Variants in CFAP54 observed in about 807,000 individuals in gnomAD.
CFAP54 encodes cilia and flagella associated protein 54, also known as cilia- and flagella-associated protein 54.
Under a neutral mutation model 370.4 loss-of-function variants are expected in CFAP54, and 290 were observed. That is an observed-to-expected ratio of 0.78 (90% confidence interval 0.71 to 0.86). The LOEUF (loss-of-function observed/expected upper bound fraction) is 0.86. Ranked by LOEUF, CFAP54 falls within the 40% of genes least tolerant of loss-of-function variation. The pLI is 0.00. For synonymous variants in CFAP54, 1,206 were observed against 1,236.5 expected (o/e 0.98, Z 0.52); for missense variants, 3,399 against 3,528.7 (o/e 0.96, Z 0.93).
intron 26 of CFAP54, among the ~76,000 whole-genome samples, chr12:96,615,867 G>A (rs1204362331): frequency 2.0e-5 from 3 of 152,188 alleles, no homozygotes; most frequent in Non-Finnish European, 2.9e-5. Flanking sequence ...GAAACAAGAG[G>A]TGCTGGAGAG....
chr12:96,589,803 G>A (rs1273036955), intron 23 of CFAP54, among the ~76,000 whole-genome samples: 1 of 152,040 alleles, frequency 6.6e-6, no homozygotes, highest in African/African-American at 2.4e-5. Context: ...CTGGAGTGCA[G>A]TGGCATGATC....
At chr12:96,526,405 A>T (rs1955381633) in intron 8 of CFAP54, among the ~76,000 whole-genome samples, 1 of 152,232 alleles carries the variant, frequency 6.6e-6, no homozygotes, top group Non-Finnish European at 1.5e-5. Context: ...CTTAGAGTTA[A>T]TTACCACAAA....
intron 26 of CFAP54, among the ~76,000 whole-genome samples, chr12:96,599,046 A>G (rs1307474164): frequency 1.3e-5 from 2 of 152,122 alleles, no homozygotes; most frequent in East Asian, 1.9e-4. Context: ...TCTAGGCTAC[A>G]TGTGCACAAC....
At chr12:96,552,029 C>T (rs970353642) in intron 15 of CFAP54, among the ~76,000 whole-genome samples, 7 of 151,892 alleles carry the variant, frequency 4.6e-5, no homozygotes, top group Admixed American at 2.0e-4. Context: ...GGTGGATCAC[C>T]TGAGGTCAGG....
rs544804419 is a variant in CFAP54 at position 96,852,027 on chromosome 12, C to T, written c.9172-8792C>T. On this transcript the variant is annotated intron_variant, in intron 66 of 67. Transcript: ENST00000524981. ...GAATTTAGCAAAGTTGCTGTCTGTA[C>T]TATCACTGGAAATATAAATTTTGTT... Among the ~76,000 whole-genome samples, 430 of 152,140 alleles carry T rather than the reference C, an allele frequency of 2.8e-3. 2 individuals are homozygous for T. The highest frequency in any genetic ancestry group is 4.5e-3 in the Non-Finnish European group (308 of 67,922).
chr12:96,665,957 A>G (rs760441969), intron 39 of CFAP54, among the ~76,000 whole-genome samples: 18 of 152,142 alleles, frequency 1.2e-4, no homozygotes, highest in Non-Finnish European at 2.4e-4. Flanking sequence ...ATGAACATGG[A>G]ATGTTTTTCC....
At chr12:96,793,641 A>G (rs769848280) in intron 63 of CFAP54, among the ~76,000 whole-genome samples, 2 of 152,160 alleles carry the variant, frequency 1.3e-5, no homozygotes. Flanking sequence ...ACTGTTTTCC[A>G]TAGTGGTTGT....
intron 46 of CFAP54, among the ~76,000 whole-genome samples, chr12:96,701,819 C>T (rs975570547): frequency 6.6e-6 from 1 of 151,772 alleles, no homozygotes; most frequent in Non-Finnish European, 1.5e-5. Flanking sequence ...CATGTAAGAC[C>T]TCATAGGGCT....
At chr12:96,568,523 A>T (rs1449376980) in intron 19 of CFAP54, among the ~76,000 whole-genome samples, 1 of 152,212 alleles carries the variant, frequency 6.6e-6, no homozygotes, top group African/African-American at 2.4e-5. Flanking sequence ...CTAAACAATG[A>T]TGTTATGGCT....
At chr12:96,709,718 T>TATTATTATG (rs1957590513) in intron 48 of CFAP54, among the ~76,000 whole-genome samples, 1 of 149,672 alleles carries the variant, frequency 6.7e-6, no homozygotes, top group South Asian at 2.1e-4. Context: ...TTATTATTAT[T>TATTATTATG]ATTATTATTA....
rs1422272782 is a variant in CFAP54, at chr12:96,518,989, T to C, written c.860T>C (p.Leu287Pro). Residue 287 changes from leucine (L) to proline (P), a missense_variant, in exon 6 of 68, where the codon CTC becomes CCC. By Grantham distance (98) the Leu-to-Pro change is moderately conservative. Coordinates refer to ENST00000524981, the MANE Select transcript of CFAP54 (RefSeq NM_001306084.2). The part of the protein sequence containing the change: ...CMESLVPLLS[L>P]RYLTWRATLY... Reference sequence around the variant, plus strand: ...GAGTCCTTGGTCCCGCTCCTGTCACTCAGGTACTTGACATGGCGCGCTACT... The same window carrying C: ...GAGTCCTTGGTCCCGCTCCTGTCACCCAGGTACTTGACATGGCGCGCTACT... The C allele has an allele frequency of 1.3e-6, 2 of 1,536,032 alleles. No homozygotes were observed. Among genetic ancestry groups the C allele is most frequent in the Middle Eastern group, 1.7e-4 (1 of 5,984 alleles).
intron 35 of CFAP54, among the ~76,000 whole-genome samples, chr12:96,651,094 A>G (rs1221581698): frequency 6.6e-6 from 1 of 152,218 alleles, no homozygotes; most frequent in Middle Eastern, 3.2e-3. Flanking sequence ...CTCATCAGAG[A>G]GGACTTCTTT....
chr12:96,840,911 A>G lies in CFAP54; in HGVS notation c.9171+11823A>G, dbSNP rs1255612641. Among the ~76,000 whole-genome samples, 3 of 152,184 alleles carry G rather than the reference A, an allele frequency of 2.0e-5. 1 individual carries two copies. The highest frequency in any genetic ancestry group is 4.4e-5 in the Non-Finnish European group (3 of 68,024). On this transcript the variant is annotated intron_variant, in intron 66 of 67. Transcript: ENST00000524981. ...GGCTAAGGGAAAAAGAAAGCCCTTAAGAAAAGGCCAGGCTATTAATGTGCT... is the reference window on the plus strand; with the variant it reads ...GGCTAAGGGAAAAAGAAAGCCCTTAGGAAAAGGCCAGGCTATTAATGTGCT...
At chr12:96,851,737 G>A (rs1959552078) in intron 66 of CFAP54, among the ~76,000 whole-genome samples, 1 of 151,860 alleles carries the variant, frequency 6.6e-6, no homozygotes, top group South Asian at 2.1e-4. Context: ...TAAAGATAAG[G>A]ATGTAGTTTT....
chr12:96,840,626 C>CT (rs11445758), intron 66 of CFAP54, among the ~76,000 whole-genome samples: 47,678 of 120,502 alleles, frequency 0.4, 8,273 homozygotes, highest in Middle Eastern at 0.5. Flanking sequence ...CTGTTTCTTT[C>CT]TTTTTTTTTT....
rs555976286 is a variant in CFAP54 at position 96,530,011 on chromosome 12, C to T, written c.1357+2567C>T. ...AGAAATTAGATCTTTTTTGTTTATA[C>T]GAAGTAGAAATCAAGATTTATATAC... On this transcript the variant is annotated intron_variant, in intron 9 of 67. Coordinates refer to ENST00000524981, the MANE Select transcript of CFAP54 (RefSeq NM_001306084.2). Among the ~76,000 whole-genome samples, 10 of 152,120 alleles carry T rather than the reference C, an allele frequency of 6.6e-5. No individual in the cohort carries two copies. In the East Asian group the frequency reaches 9.6e-4, roughly 15 times the overall value.
intron 26 of CFAP54, among the ~76,000 whole-genome samples, chr12:96,621,023 G>A (rs1956481312): frequency 6.6e-6 from 1 of 152,200 alleles, no homozygotes. Context: ...GGGGATGTGA[G>A]AGGCTAAATA....
chr12:96,776,655 C>T (rs1410771674), intron 60 of CFAP54, among the ~76,000 whole-genome samples: 1 of 152,104 alleles, frequency 6.6e-6, no homozygotes, highest in Non-Finnish European at 1.5e-5. Context: ...TGAAACTAAA[C>T]CAGAACTGCG....
chr12:96,856,713 G>A (rs952216885), intron 66 of CFAP54, among the ~76,000 whole-genome samples: 3 of 152,076 alleles, frequency 2.0e-5, no homozygotes, highest in Non-Finnish European at 4.4e-5. Flanking sequence ...TGTCTCCTGA[G>A]CCCTCTAAGT....
Sources: allele counts gnomAD v4.1 joint callset (sites outside exome capture counted in the v4.1 genomes callset), GRCh38; gene constraint gnomAD v4.1.1; transcripts MANE v1.5; gene names NCBI Gene and HGNC (gene_info 2026-07-23, HGNC 2026-07-21).